Variants in IFT88 observed in about 807,000 individuals in gnomAD.
IFT88 encodes intraflagellar transport protein 88 homolog.
A neutral mutation model predicts 119.5 loss-of-function variants in IFT88; 74 were observed. That is an observed-to-expected ratio of 0.62 (90% CI 0.51 to 0.75). The LOEUF (loss-of-function observed/expected upper bound fraction) is 0.75, where lower values mean the gene tolerates loss of function less well. Among genes scored for constraint, IFT88 ranks in the 30% least tolerant of loss-of-function variants. IFT88 has a pLI of 0.00. For missense variants in IFT88, 961 were observed against 977.7 expected (o/e 0.98, Z 0.23); for synonymous variants, 279 against 316.7 (o/e 0.88, Z 1.26).
intron 7 of IFT88, among the ~76,000 whole-genome samples, chr13:20,593,749 A>T (rs1274585766): frequency 6.6e-6 from 1 of 151,816 alleles, no homozygotes; most frequent in African/African-American, 2.4e-5. Flanking sequence ...AAACATGTTT[A>T]AAAAAAAGTA....
Position 20,615,804 on chromosome 13 carries a change from C to T in IFT88, c.1124C>T (p.Ala375Val), listed in dbSNP as rs781452341. 1.1e-5 allele frequency: 18 copies of T among 1,595,640 alleles called. No individual in the cohort carries two copies. Among genetic ancestry groups the T allele is most frequent in the Non-Finnish European group, 1.5e-5 (18 of 1,170,380 alleles). Reference protein sequence around the residue: ...RQMERERKAMAEKYIMTSAKL... With the variant: ...RQMERERKAMVEKYIMTSAKL... ...TTTATTTGATATAGGAAAGCCATGG[C>T]AGAAAAATATATTATGACATCTGCA... The change falls in exon 14 of 26, where the codon GCA (alanine) becomes GTA (valine). Residue 375 changes from alanine to valine, a missense_variant. Transcript: ENST00000351808.
chr13:20,633,192 C>T lies in IFT88; in HGVS notation c.1386+2090C>T, dbSNP rs182266241. Among the ~76,000 whole-genome samples, 167 of 152,124 alleles carry T rather than the reference C, an allele frequency of 1.1e-3. 1 individual carries two copies. The highest frequency in any genetic ancestry group is 3.4e-3 in the African/African-American group (143 of 41,492). On this transcript the variant is annotated intron_variant, in intron 16 of 25. Transcript: ENST00000351808. ...TCTCACACTGCTATAAAGAAATAAC[C>T]GAGACTGGGTAATTTATCAAGGAAA... is the stretch of plus-strand genomic sequence containing the variant.
chr13:20,662,133 G>A (rs1594752041), intron 22 of IFT88, among the ~76,000 whole-genome samples: 1 of 152,174 alleles, frequency 6.6e-6, no homozygotes, highest in East Asian at 1.9e-4. Context: ...GAAGGATCAG[G>A]CAGCAATATT....
chr13:20,621,004 C>T (rs944539748), intron 14 of IFT88, among the ~76,000 whole-genome samples: 7 of 152,096 alleles, frequency 4.6e-5, no homozygotes, highest in Admixed American at 1.3e-4. Context: ...TCTCAGTCTT[C>T]GTAACTGTGA....
At chr13:20,665,096 A>C (rs1485723846) in intron 23 of IFT88, among the ~76,000 whole-genome samples, 1 of 152,152 alleles carries the variant, frequency 6.6e-6, no homozygotes, top group East Asian at 1.9e-4. Flanking sequence ...AAAAAAGACA[A>C]AAATGCAGAA....
At chr13:20,673,387 C>T (rs1229256922) in intron 24 of IFT88, among the ~76,000 whole-genome samples, 1 of 152,128 alleles carries the variant, frequency 6.6e-6, no homozygotes, top group Non-Finnish European at 1.5e-5. Flanking sequence ...GTGGTGCTTC[C>T]CCAGAGCCCA....
At chr13:20,686,775 T>C (rs1370823364) in intron 24 of IFT88, among the ~76,000 whole-genome samples, 1 of 152,206 alleles carries the variant, frequency 6.6e-6, no homozygotes, top group African/African-American at 2.4e-5. Context: ...CTCATAACCA[T>C]ATTCTTTCTA....
At chr13:20,605,511 A>T (rs896677208) in intron 13 of IFT88, among the ~76,000 whole-genome samples, 1 of 152,054 alleles carries the variant, frequency 6.6e-6, no homozygotes, top group African/African-American at 2.4e-5. Flanking sequence ...CAGAGACAAA[A>T]TTCTATTTAT....
At chr13:20,663,168 A>G (rs1211668670) in intron 22 of IFT88, 2 of 1,017,178 alleles carry the variant, frequency 2.0e-6, no homozygotes, top group African/African-American at 1.7e-5. Flanking sequence ...ATAGCTCTTT[A>G]TATGTATTTA....
chr13:20,633,930 G>T (rs543818579), intron 16 of IFT88, among the ~76,000 whole-genome samples: 1 of 152,282 alleles, frequency 6.6e-6, no homozygotes, highest in South Asian at 2.1e-4. Flanking sequence ...TACCCAGTGA[G>T]CTGGGTTCAC....
At chr13:20,576,770 C>G (rs61224523) in intron 2 of IFT88, among the ~76,000 whole-genome samples, 2 of 152,006 alleles carry the variant, frequency 1.3e-5, no homozygotes, top group Non-Finnish European at 2.9e-5. Context: ...TACTATAGCT[C>G]TATAGTGTAA....
At position 20,691,301 on chromosome 13, in the gene IFT88, C is replaced by G. The variant is rs922730069; in HGVS notation, c.*126C>G. ...CTGTCAAAACTTAAGTAAGTGTATT[C>G]TATTCTGTATGTATGCATTTAAGTT... On this transcript the variant is annotated 3_prime_UTR_variant, in exon 26 of 26. Coordinates refer to ENST00000351808, the MANE Select transcript of IFT88 (RefSeq NM_006531.5). 8.0e-6 allele frequency: 7 copies of G among 873,626 alleles called. No individual in the cohort carries two copies. In the South Asian group the frequency reaches 1.4e-4, roughly 18 times the overall value. The allele number at this position is 873,626 out of a possible 1,614,324, so 54.1% of individuals were successfully genotyped here.
rs147297410 is a variant in IFT88 at position 20,667,962 on chromosome 13, C to T, written c.2176-3011C>T. On this transcript the variant is annotated intron_variant, in intron 23 of 25. Coordinates refer to ENST00000351808, the MANE Select transcript of IFT88 (RefSeq NM_006531.5). Reference sequence around the variant, plus strand: ...CTTCCATTCACACAGCTAAAACTACCCTCACTAAGATTAGTCACTTACATA... The same window carrying T: ...CTTCCATTCACACAGCTAAAACTACTCTCACTAAGATTAGTCACTTACATA... Among the ~76,000 whole-genome samples, 41 of 152,274 alleles carry T rather than the reference C, an allele frequency of 2.7e-4. No homozygotes were observed. The East Asian group carries it at 7.7e-3, about 29-fold the overall frequency.
At chr13:20,570,595 A>G (rs1436022690) in intron 1 of IFT88, among the ~76,000 whole-genome samples, 1 of 152,270 alleles carries the variant, frequency 6.6e-6, no homozygotes, top group Non-Finnish European at 1.5e-5. Context: ...GCTAAGTGAA[A>G]GAGACCAGAC....
At chr13:20,624,222 CT>C (rs999048852) in intron 14 of IFT88, among the ~76,000 whole-genome samples, 3 of 151,212 alleles carry the variant, frequency 2.0e-5, no homozygotes, top group Non-Finnish European at 4.4e-5. Flanking sequence ...GTTCAGACCT[CT>C]TTTTTTTTCT....
In IFT88 at chr13:20,614,021, T is replaced by C. The variant is rs372346601; in HGVS notation, c.1113-1772T>C. ...GATGATGAAAATGTTTCAAAAGTGATTGTGGTGCTTGTTGCACAAATCTGT... is the reference window on the plus strand; with the variant it reads ...GATGATGAAAATGTTTCAAAAGTGACTGTGGTGCTTGTTGCACAAATCTGT... On this transcript the variant is annotated intron_variant, in intron 13 of 25. Coordinates refer to ENST00000351808, the MANE Select transcript of IFT88 (RefSeq NM_006531.5). Among the ~76,000 whole-genome samples the C allele has an allele frequency of 2.3e-3, 357 of 152,270 alleles. 1 individual carries two copies. Among genetic ancestry groups the C allele is most frequent in the South Asian group, 0.017 (82 of 4,828 alleles).
chr13:20,597,767 A>T (rs996666103), intron 9 of IFT88, among the ~76,000 whole-genome samples: 206 of 149,116 alleles, frequency 1.4e-3, no homozygotes, highest in African/African-American at 4.1e-3. Context: ...ATATATATAT[A>T]TATTTTTTTT....
In IFT88 at chr13:20,624,744, C is replaced by T. The variant is rs1471372182; in HGVS notation, c.1200-1006C>T. On this transcript the variant is annotated intron_variant, in intron 14 of 25. Coordinates refer to ENST00000351808, the MANE Select transcript of IFT88 (RefSeq NM_006531.5). ...GAATGTCTTCCAGGAGGAGGCCACT[C>T]AGTTTTGCAGGTTTCCTTACACTTG... Among the ~76,000 whole-genome samples the T allele has an allele frequency of 2.6e-5, 4 of 152,208 alleles. No homozygotes were observed. The East Asian group carries it at 7.7e-4, about 29-fold the overall frequency.
rs369089745 is a variant in IFT88 at position 20,671,482 on chromosome 13, A to G, written c.2242+443A>G. Among the ~76,000 whole-genome samples the G allele has an allele frequency of 5.3e-5, 8 of 152,352 alleles. No homozygotes were observed. In the South Asian group the frequency reaches 1.7e-3, roughly 32 times the overall value. ...AGTGACAAGCTAGGAATTAGGAGAC[A>G]TAGTGTGAGTCCCAGTCTTGATCGT... On this transcript the variant is annotated intron_variant, in intron 24 of 25. Transcript: ENST00000351808.
Sources: allele counts gnomAD v4.1 joint callset (sites outside exome capture counted in the v4.1 genomes callset), GRCh38; gene constraint gnomAD v4.1.1; transcripts MANE v1.5; gene names NCBI Gene and HGNC (gene_info 2026-07-23, HGNC 2026-07-21).